The following ASB3 variants were observed in gnomAD, a reference collection of about 807,000 sequenced individuals.
The protein encoded by ASB3 is ankyrin repeat and SOCS box containing 3.
A neutral mutation model predicts 54.5 loss-of-function variants in ASB3; 41 were observed. That is an observed-to-expected ratio of 0.75 (90% CI 0.59 to 0.98). ASB3 has a LOEUF of 0.98. Among genes scored for constraint, ASB3 ranks in the 50% least tolerant of loss-of-function variants. ASB3 has a pLI of 0.00. For synonymous variants in ASB3, 266 were observed against 221.2 expected (o/e 1.20, Z -1.80); for missense variants, 733 against 620.0 (o/e 1.18, Z -1.94).
chr2:53,731,648 G>A (rs940774565), intron 3 of ASB3, among the ~76,000 whole-genome samples: 7 of 152,058 alleles, frequency 4.6e-5, no homozygotes, highest in South Asian at 2.1e-4. Flanking sequence ...CAGTATCCAC[G>A]ACAGTTTCTT....
rs1020808216 is a variant in ASB3, at chr2:53,714,420, C to A, written c.944G>T (p.Gly315Val). 1.2e-6 allele frequency: 2 copies of A among 1,614,156 alleles called. No individual in the cohort carries two copies. Among genetic ancestry groups the A allele is most frequent in the Non-Finnish European group, 1.7e-6 (2 of 1,180,018 alleles). Residue 315 changes from glycine to valine, a missense_variant, in exon 7 of 10, where the codon GGA (glycine) becomes GTA (valine). By Grantham distance (109) the Gly-to-Val change is moderately radical. Coordinates refer to ENST00000263634, the MANE Select transcript of ASB3 (RefSeq NM_016115.5). ...SPDAQACLVFGFSSPVCMAFQ... is the reference protein window; with the variant it reads ...SPDAQACLVFVFSSPVCMAFQ... ...AGCCATGCACACAGGAGAACTGAAT[C>A]CAAAAACAAGGCACGCCTGGGCGTC...
chr2:53,763,715 T>C (rs1256211326), intron 2 of ASB3: 2 of 165,202 alleles, frequency 1.2e-5, no homozygotes, highest in Non-Finnish European at 2.9e-5. Flanking sequence ...TATTCCGATA[T>C]GAAGAAGAGA....
intron 9 of ASB3, among the ~76,000 whole-genome samples, chr2:53,685,014 C>G (rs1356332911): frequency 1.3e-5 from 2 of 152,102 alleles, no homozygotes; most frequent in East Asian, 3.9e-4. Flanking sequence ...TTTAGGAAAA[C>G]AAGTACTAAT....
chr2:53,785,297 T>C lies in ASB3; in HGVS notation c.-14+1524A>G, dbSNP rs559284535. 1.8e-4 allele frequency among the ~76,000 whole-genome samples: 27 copies of C among 152,342 alleles called. No individual in the cohort carries two copies. The South Asian group carries it at 5.0e-3, about 28-fold the overall frequency. On this transcript the variant is annotated intron_variant, in intron 1 of 9. Coordinates refer to ENST00000263634, the MANE Select transcript of ASB3 (RefSeq NM_016115.5). Reference sequence around the variant, plus strand: ...GTTCCCCTCTTACTTGAACATCAGCTCTATTGAACACAGATTCAATCACTA... The same window carrying C: ...GTTCCCCTCTTACTTGAACATCAGCCCTATTGAACACAGATTCAATCACTA...
chr2:53,720,399 T>G (rs116206150), intron 5 of ASB3, among the ~76,000 whole-genome samples: 1 of 152,116 alleles, frequency 6.6e-6, no homozygotes, highest in Non-Finnish European at 1.5e-5. Flanking sequence ...GACTGAGATC[T>G]CTCTCAGATA....
intron 2 of ASB3, among the ~76,000 whole-genome samples, chr2:53,762,212 T>A (rs985559569): frequency 6.6e-6 from 1 of 152,054 alleles, no homozygotes; most frequent in Non-Finnish European, 1.5e-5. Context: ...CACACAAATA[T>A]AGACATACAC....
At chr2:53,687,980 G>T (rs1668719556) in intron 9 of ASB3, among the ~76,000 whole-genome samples, 1 of 152,060 alleles carries the variant, frequency 6.6e-6, no homozygotes, top group African/African-American at 2.4e-5. Flanking sequence ...ACCATGTCTG[G>T]CTAATTTTCT....
intron 1 of ASB3, among the ~76,000 whole-genome samples, chr2:53,784,650 T>C (rs1427183606): frequency 6.6e-6 from 1 of 152,224 alleles, no homozygotes; most frequent in Non-Finnish European, 1.5e-5. Flanking sequence ...GCAATCTTGC[T>C]GCCTCCTCCT....
At chr2:53,752,891 C>T (rs961138777) in intron 2 of ASB3, among the ~76,000 whole-genome samples, 8 of 151,794 alleles carry the variant, frequency 5.3e-5, no homozygotes, top group South Asian at 2.1e-4. Context: ...AGACCTAGAC[C>T]GATGTTACAT....
intron 1 of ASB3, 65 bp from the exon 2 acceptor site, chr2:53,765,650 G>A (rs1673400179): frequency 1.3e-6 from 2 of 1,584,118 alleles, no homozygotes; most frequent in South Asian, 2.3e-5. Context: ...CTAGAGGTCA[G>A]CAAATCACGG....
intron 9 of ASB3, among the ~76,000 whole-genome samples, chr2:53,677,487 GT>G (rs140081946): frequency 0.07 from 10,595 of 151,738 alleles, 505 homozygotes; most frequent in Non-Finnish European, 0.11. Context: ...CTATCTGCAG[GT>G]TTTTTTTAAA....
At chr2:53,733,004 C>T (rs1671405029) in intron 3 of ASB3, among the ~76,000 whole-genome samples, 1 of 152,146 alleles carries the variant, frequency 6.6e-6, no homozygotes, top group African/African-American at 2.4e-5. Context: ...TTTCTCAAGC[C>T]TACTGAGAAA....
Position 53,701,800 on chromosome 2 carries a change from T to C in ASB3, c.981-1272A>G, listed in dbSNP as rs1572869205. Among the ~76,000 whole-genome samples, 6 of 152,328 alleles carry C rather than the reference T, an allele frequency of 3.9e-5. No individual in the cohort carries two copies. In the South Asian group the frequency reaches 1.2e-3, roughly 32 times the overall value. ...TTAACAATGGGTCCAATCATTAATC[T>C]GAAAAAAGCAAACAAAAGTATAAAA... On this transcript the variant is annotated intron_variant, in intron 7 of 9. Coordinates refer to ENST00000263634, the MANE Select transcript of ASB3 (RefSeq NM_016115.5).
chr2:53,686,333 C>G (rs1236907120), intron 9 of ASB3, among the ~76,000 whole-genome samples: 1 of 152,254 alleles, frequency 6.6e-6, no homozygotes, highest in East Asian at 1.9e-4. Context: ...AACCAAGGAC[C>G]ATGAACTCTG....
At chr2:53,674,197 G>A (rs1040950689) in intron 9 of ASB3, among the ~76,000 whole-genome samples, 1 of 152,108 alleles carries the variant, frequency 6.6e-6, no homozygotes, top group Admixed American at 6.5e-5. Flanking sequence ...TTTTAGTTTT[G>A]TTAAATACAT....
intron 7 of ASB3, among the ~76,000 whole-genome samples, chr2:53,701,058 T>A (rs1204633913): frequency 6.6e-6 from 1 of 152,192 alleles, no homozygotes; most frequent in Non-Finnish European, 1.5e-5. Flanking sequence ...TCACTGTAAC[T>A]GAACTCCTGG....
At chr2:53,760,768 C>T (rs1255076878) in intron 2 of ASB3, among the ~76,000 whole-genome samples, 6 of 152,122 alleles carry the variant, frequency 3.9e-5, no homozygotes, top group South Asian at 2.1e-4. Flanking sequence ...TGAAGTGTGC[C>T]GAAGAAATAA....
chr2:53,764,892 A>T (rs1350813522), intron 2 of ASB3, among the ~76,000 whole-genome samples: 2 of 152,180 alleles, frequency 1.3e-5, no homozygotes, highest in Non-Finnish European at 2.9e-5. Context: ...GATATTTGTC[A>T]TCTGTTTCCT....
In ASB3 at chr2:53,750,931, T is replaced by A. The variant is rs753702521; in HGVS notation, c.207A>T (p.Glu69Asp). The A allele has an allele frequency of 3.8e-5, 59 of 1,556,598 alleles. 2 individuals are homozygous for A. Among genetic ancestry groups the A allele is most frequent in the Middle Eastern group, 1.7e-4 (1 of 5,888 alleles). Residue 69 changes from glutamate (E) to aspartate (D), a missense_variant, in exon 3 of 10, where the codon GAA becomes GAT. By Grantham distance (45) the Glu-to-Asp change is conservative (BLOSUM62 2). Coordinates refer to ENST00000263634, the MANE Select transcript of ASB3 (RefSeq NM_016115.5). ...CAAAGGTCTTCATCTTAATGTAGTT[T>A]TCAGATGAATCTGTGGAAGAATCAA... Reference protein sequence around the residue: ...LQMLINADSSENYIKMKTFEG... With the variant: ...LQMLINADSSDNYIKMKTFEG...
Sources: allele counts gnomAD v4.1 joint callset (sites outside exome capture counted in the v4.1 genomes callset), GRCh38; gene constraint gnomAD v4.1.1; transcripts MANE v1.5; gene names NCBI Gene and HGNC (gene_info 2026-07-23, HGNC 2026-07-21).